ZNF200: variants seen among roughly 807,000 people sequenced by gnomAD.
ZNF200 encodes the protein zinc finger protein 200.
ZNF200 carries 35 observed loss-of-function variants against 33.6 expected under a neutral mutation model. That is an observed-to-expected ratio of 1.04 (90% CI 0.80 to 1.38). The LOEUF (loss-of-function observed/expected upper bound fraction) is 1.38. ZNF200 is among the 40% of genes most tolerant of loss of function. The pLI, the probability that ZNF200 is intolerant of heterozygous loss-of-function variation, is 0.00. For missense variants in ZNF200, 592 were observed against 470.6 expected, an observed-to-expected ratio of 1.26 and a Z score of -2.39; for synonymous variants, 209 against 167.7, an observed-to-expected ratio of 1.25 and a Z score of -1.90.
chr16:3,232,153 AAC>A (rs1033800223), intron 4 of ZNF200, among the ~76,000 whole-genome samples: 1 of 152,160 alleles, frequency 6.6e-6, no homozygotes, highest in Non-Finnish European at 1.5e-5. Context: ...ATGGGTTCAG[AAC>A]AGTTTCTATA....
intron 4 of ZNF200, among the ~76,000 whole-genome samples, chr16:3,231,244 A>G (rs1958628032): frequency 6.6e-6 from 1 of 152,202 alleles, no homozygotes; most frequent in South Asian, 2.1e-4. Flanking sequence ...CCCAAGACTC[A>G]GGAAAAACTC....
rs1190343444 is a variant in ZNF200, at chr16:3,224,436, A to T, written c.644T>A (p.Met215Lys). 1.9e-6 allele frequency: 3 copies of T among 1,613,770 alleles called. No individual in the cohort carries two copies. Among genetic ancestry groups the T allele is most frequent in the Non-Finnish European group, 2.5e-6 (3 of 1,179,858 alleles). ...CTCAATGGTAACTAACAGATTTCTC[A>T]TTTTCCTTTTTTGTGGAATGGATGT... The part of the protein sequence containing the change: ...LNTSIPQKRK[M>K]RNLLVTIEND... Residue 215 changes from methionine to lysine, a missense_variant, in exon 5 of 5, where the codon ATG becomes AAG. Coordinates refer to ENST00000414144, the MANE Select transcript of ZNF200 (RefSeq NM_198088.3).
rs899101182 is a variant in ZNF200, at chr16:3,222,544, T to C, written c.*1348A>G. 6.6e-6 allele frequency: 1 copy of C among 151,688 alleles called. No homozygotes were observed. Among genetic ancestry groups the C allele is most frequent in the South Asian group, 2.1e-4 (1 of 4,794 alleles). The allele number at this position is 151,688 out of a possible 1,614,324, so 9.4% of individuals were successfully genotyped here. On this transcript the variant is annotated 3_prime_UTR_variant, in exon 5 of 5. Transcript: ENST00000414144. The stretch of plus-strand genomic sequence containing the variant: ...AAACAAGTGAAGAAAATTAGAAAAA[T>C]TTTCACAGGAATATAATACTCTAAT...
At chr16:3,224,930 A>C (rs1958429016) in intron 4 of ZNF200, 2 of 272,852 alleles carry the variant, frequency 7.3e-6, no homozygotes, top group Non-Finnish European at 1.4e-5. Flanking sequence ...TAGAGCACTC[A>C]GGTAAGGACT....
Position 3,232,892 on chromosome 16 carries a change from G to C in ZNF200, c.280C>G (p.Pro94Ala). 6.2e-7 allele frequency: 1 copy of C among 1,613,794 alleles called. No individual in the cohort carries two copies. The highest frequency in any genetic ancestry group is 1.1e-5 in the South Asian group (1 of 91,080). Residue 94 changes from proline (P) to alanine (A), a missense_variant, in exon 3 of 5, where the codon CCC (proline) becomes GCC (alanine). Coordinates refer to ENST00000414144, the MANE Select transcript of ZNF200 (RefSeq NM_198088.3). ...TCTTGTTCCTTTTGGACTCCTTTGG[G>C]CAGAAGCTTCACCAAGGGACGAGGA... ...VHPRPLVKLL[P>A]KGVQKEQETV... is the part of the protein sequence containing the mutation.
In ZNF200 at chr16:3,224,509, AG is replaced by A. The variant is rs1411762844; in HGVS notation, c.570del (p.Leu191TrpfsTer15). On this transcript the variant is annotated frameshift_variant, in exon 5 of 5. Transcript: ENST00000414144. LOFTEE classifies it high-confidence loss of function. Reference protein sequence around the residue: ...KSSDDDEMDSSLVSQQPPDNQ... With the variant: ...KSSDDDEMDSXLVSQQPPDNQ... Reference sequence around the variant, plus strand: ...TTATCGGGAGGCTGCTGAGAGACCAAGGAAGAATCCATTTCATCATCATCTG... The same window carrying A: ...TTATCGGGAGGCTGCTGAGAGACCAAGAAGAATCCATTTCATCATCATCTG... 2 of 1,614,204 alleles carry A rather than the reference AG, an allele frequency of 1.2e-6. No homozygotes were observed. The highest frequency in any genetic ancestry group is 1.7e-6 in the Non-Finnish European group (2 of 1,180,036).
At chr16:3,224,710 G>A (rs1280754949) in intron 4 of ZNF200, 97 bp from the exon 5 acceptor site, 27 of 1,457,670 alleles carry the variant, frequency 1.9e-5, no homozygotes, top group Non-Finnish European at 2.1e-5. Flanking sequence ...CACCTTGAAC[G>A]TCAATCTGGG....
At chr16:3,230,682 A>T (rs547080650) in intron 4 of ZNF200, among the ~76,000 whole-genome samples, 60 of 152,288 alleles carry the variant, frequency 3.9e-4, no homozygotes, top group Admixed American at 1.1e-3. Context: ...TTTCCTTTGC[A>T]AAAATTGGTT....
At chr16:3,227,782 T>C (rs1958510252) in intron 4 of ZNF200, 2 of 152,238 alleles carry the variant, frequency 1.3e-5, no homozygotes, top group African/African-American at 4.8e-5. Context: ...TGTGAGTCAA[T>C]TAAACCTGTT....
At chr16:3,227,552 A>G (rs902358938) in intron 4 of ZNF200, 26 of 152,208 alleles carry the variant, frequency 1.7e-4, no homozygotes, top group African/African-American at 6.3e-4. Context: ...CCACATGTCA[A>G]GGAGACATCA....
chr16:3,228,881 C>G (rs1360077749), intron 4 of ZNF200, among the ~76,000 whole-genome samples: 13 of 151,996 alleles, frequency 8.6e-5, no homozygotes, highest in Non-Finnish European at 1.8e-4. Context: ...GGGGTAAAAA[C>G]AAATTAAAAT....
intron 4 of ZNF200, chr16:3,225,895 A>G: frequency 6.9e-6 from 1 of 144,522 alleles, no homozygotes; most frequent in African/African-American, 2.6e-5. Context: ...ACACCAATAG[A>G]TTTTTTTTTA....
Position 3,228,237 on chromosome 16 carries a change from C to T in ZNF200, c.467-3624G>A, listed in dbSNP as rs1958526000. On this transcript the variant is annotated intron_variant, in intron 4 of 4. Coordinates refer to ENST00000414144, the MANE Select transcript of ZNF200 (RefSeq NM_198088.3). Reference sequence around the variant, plus strand: ...AAAGCCAATGATTTCTGTTTATTCACTTTATTTCCCACTACCTTAGTGAAT... The same window carrying T: ...AAAGCCAATGATTTCTGTTTATTCATTTTATTTCCCACTACCTTAGTGAAT... 2.0e-5 allele frequency among the ~76,000 whole-genome samples: 3 copies of T among 152,102 alleles called. No individual in the cohort carries two copies. In the South Asian group the frequency reaches 6.2e-4, roughly 32 times the overall value.
chr16:3,224,845 A>G, intron 4 of ZNF200: 2 of 537,654 alleles, frequency 3.7e-6, no homozygotes, highest in South Asian at 2.5e-5. Context: ...GTGGGATTTC[A>G]CTGAAAGACT....
In ZNF200 at chr16:3,222,795, G is replaced by T. The variant is rs933724481; in HGVS notation, c.*1097C>A. 6.6e-6 allele frequency: 1 copy of T among 152,218 alleles called. No individual in the cohort carries two copies. The highest frequency in any genetic ancestry group is 2.4e-5 in the African/African-American group (1 of 41,442). The allele number at this position is 152,218 out of a possible 1,614,324, so 9.4% of individuals were successfully genotyped here. A position where few individuals can be genotyped will look rare whatever the true frequency, so the allele number is the denominator to read the frequency against. ...AAGGTATGGATATCAAGAGGCTGAA[G>T]ACAATTAATACCCACTACAATGAAG... On this transcript the variant is annotated 3_prime_UTR_variant, in exon 5 of 5. Coordinates refer to ENST00000414144, the MANE Select transcript of ZNF200 (RefSeq NM_198088.3).
chr16:3,232,752 C>T (rs1958670798), intron 3 of ZNF200, 81 bp downstream of exon 3: 2 of 1,507,900 alleles, frequency 1.3e-6, no homozygotes, highest in South Asian at 2.3e-5. Context: ...AGGCCAACTC[C>T]TAAGAATGTG....
intron 4 of ZNF200, among the ~76,000 whole-genome samples, chr16:3,230,124 C>T (rs1285435625): frequency 2.0e-5 from 3 of 152,244 alleles, no homozygotes; most frequent in Non-Finnish European, 4.4e-5. Flanking sequence ...CTTTCTTCCT[C>T]TCTTGCCATG....
intron 4 of ZNF200, chr16:3,226,703 C>T (rs1209151629): frequency 6.6e-6 from 1 of 152,068 alleles, no homozygotes; most frequent in Non-Finnish European, 1.5e-5. Flanking sequence ...CAAACAATAC[C>T]ACAGTGAATA....
At chr16:3,225,537 A>AGGAAAGGAAGT (rs1176381068) in intron 4 of ZNF200, 5 of 152,216 alleles carry the variant, frequency 3.3e-5, no homozygotes. Flanking sequence ...CTCTTTGTGT[A>AGGAAAGGAAGT]GGAAAGGAAG....
Sources: allele counts gnomAD v4.1 joint callset (sites outside exome capture counted in the v4.1 genomes callset), GRCh38; gene constraint gnomAD v4.1.1; transcripts MANE v1.5; gene names NCBI Gene and HGNC (gene_info 2026-07-23, HGNC 2026-07-21).